The following NFU1 variants were observed in gnomAD, a reference collection of about 807,000 sequenced individuals.
NFU1 encodes NFU1 iron-sulfur cluster scaffold.
Under a neutral mutation model 32.2 loss-of-function variants are expected in NFU1, and 30 were observed. The observed-to-expected ratio is 0.93, with a 90% CI of 0.70 to 1.26. The LOEUF is 1.26. NFU1 is among the 50% of genes most tolerant of loss of function. The probability of loss-of-function intolerance (pLI) is 0.00; values close to 1 mark genes in which losing one functional copy is unlikely to be tolerated. For synonymous variants in NFU1, 112 were observed against 104.6 expected (o/e 1.07, Z -0.43); for missense variants, 306 against 306.6 (o/e 1.00, Z 0.02).
At chr2:69,406,697 A>G (rs1672704842) in intron 5 of NFU1, among the ~76,000 whole-genome samples, 2 of 152,066 alleles carry the variant, frequency 1.3e-5, no homozygotes, top group Admixed American at 6.6e-5. Flanking sequence ...CAGCCTCCCA[A>G]GTAGTTTGGG....
At chr2:69,416,220 G>C (rs1417279614) in intron 4 of NFU1, 2 of 150,152 alleles carry the variant, frequency 1.3e-5, no homozygotes, top group Non-Finnish European at 3.0e-5. Flanking sequence ...ATCTTAAAGG[G>C]TCCTGTTTAA....
Position 69,431,092 on chromosome 2 carries a change from G to A in NFU1, c.166+810C>T, listed in dbSNP as rs74966959. Among the ~76,000 whole-genome samples, 124 of 151,952 alleles carry A rather than the reference G, an allele frequency of 8.2e-4. 1 individual carries two copies. The East Asian group carries it at 0.021, about 25-fold the overall frequency. On this transcript the variant is annotated intron_variant, in intron 2 of 7. Coordinates refer to ENST00000410022, the MANE Select transcript of NFU1 (RefSeq NM_001002755.4). ...TAAAGAAAATTAAAGTATATATCTC[G>A]TTAACAATCAAGATTATTAACAAAA...
chr2:69,437,528 G>T, upstream of NFU1: 1 of 1,396,926 alleles, frequency 7.2e-7, no homozygotes, highest in Non-Finnish European at 9.8e-7. Flanking sequence ...CCACCCTACC[G>T]GCTGCGGGCG....
intron 1 of NFU1, among the ~76,000 whole-genome samples, chr2:69,434,800 G>A (rs1673773683): frequency 1.3e-5 from 2 of 152,160 alleles, no homozygotes; most frequent in African/African-American, 2.4e-5. Flanking sequence ...CAGCTGAAAG[G>A]GAGAGTGGAG....
intron 2 of NFU1, among the ~76,000 whole-genome samples, chr2:69,424,034 G>A (rs1266134141): frequency 6.6e-6 from 1 of 151,218 alleles, no homozygotes; most frequent in African/African-American, 2.4e-5. Flanking sequence ...TTAGCCAGGC[G>A]TGGTGGCGGG....
At chr2:69,397,730 T>C (rs1672386839) in intron 7 of NFU1, among the ~76,000 whole-genome samples, 1 of 151,648 alleles carries the variant, frequency 6.6e-6, no homozygotes, top group Admixed American at 6.6e-5. Context: ...CCGGTCAACA[T>C]GGCGAAACCC....
At chr2:69,413,415 GCTTA>G (rs1458488565) in intron 5 of NFU1, among the ~76,000 whole-genome samples, 1 of 151,678 alleles carries the variant, frequency 6.6e-6, no homozygotes, top group Non-Finnish European at 1.5e-5. Context: ...GCTAATGTGG[GCTTA>G]ATTAGATCAA....
intron 3 of NFU1, among the ~76,000 whole-genome samples, chr2:69,422,934 C>T (rs1247199266): frequency 6.7e-6 from 1 of 149,184 alleles, no homozygotes. Context: ...GGCTGGTCTC[C>T]AACTCCTGAG....
At chr2:69,428,157 GT>G (rs2104806023) in intron 2 of NFU1, among the ~76,000 whole-genome samples, 1 of 152,198 alleles carries the variant, frequency 6.6e-6, no homozygotes, top group South Asian at 2.1e-4. Context: ...GGCGCAGTGG[GT>G]TATGCCTATA....
chr2:69,434,003 C>A (rs1486269635), intron 1 of NFU1, among the ~76,000 whole-genome samples: 2 of 150,996 alleles, frequency 1.3e-5, no homozygotes, highest in African/African-American at 4.9e-5. Context: ...AGGCTGATCT[C>A]CAGCTCCTGG....
chr2:69,400,427 A>C lies in NFU1; in HGVS notation c.657T>G (p.Thr219=), dbSNP rs749007356. 1.2e-6 allele frequency: 2 copies of C among 1,614,142 alleles called. No individual in the cohort carries two copies. The highest frequency in any genetic ancestry group is 1.7e-6 in the Non-Finnish European group (2 of 1,179,996). ...SCTSCPSSII[T]LKNGIQNMLQ... Reference sequence around the variant, plus strand: ...GCATGTTCTGAATTCCATTTTTCAGAGTAATGATTGAACTAGGGCAGCTGG... The same window carrying C: ...GCATGTTCTGAATTCCATTTTTCAGCGTAATGATTGAACTAGGGCAGCTGG... The change falls in exon 7 of 8, where the codon ACT becomes ACG. Residue 219 remains threonine, a synonymous_variant. Transcript: ENST00000410022.
intron 5 of NFU1, among the ~76,000 whole-genome samples, chr2:69,408,861 CTTT>C (rs1173785443): frequency 1.5e-5 from 1 of 67,756 alleles, no homozygotes; most frequent in Non-Finnish European, 2.7e-5. Flanking sequence ...CAGGCTTGTG[CTTT>C]TTTTTTTTTT....
At chr2:69,418,498 G>A (rs1021432667) in intron 4 of NFU1, among the ~76,000 whole-genome samples, 1 of 151,596 alleles carries the variant, frequency 6.6e-6, no homozygotes, top group Non-Finnish European at 1.5e-5. Flanking sequence ...ATGCAGTCTC[G>A]CTCTGTCGCC....
chr2:69,406,066 ATCATCT>A lies in NFU1; in HGVS notation c.495_500del (p.Glu165_Asp166del). Reference sequence around the variant, plus strand: ...ATTCCTTAATCATTGCCACAACTTCATCATCTTCTTCAGATCCTAGAAATAATTACA... The same window carrying A: ...ATTCCTTAATCATTGCCACAACTTCATCTTCAGATCCTAGAAATAATTACA... On this transcript the variant is annotated inframe_deletion, in exon 6 of 8. Coordinates refer to ENST00000410022, the MANE Select transcript of NFU1 (RefSeq NM_001002755.4). The A allele has an allele frequency of 6.3e-7, 1 of 1,596,302 alleles. No individual in the cohort carries two copies. Among genetic ancestry groups the A allele is most frequent in the Non-Finnish European group, 8.6e-7 (1 of 1,165,028 alleles).
At chr2:69,402,005 T>C (rs933266493) in intron 6 of NFU1, among the ~76,000 whole-genome samples, 1 of 152,152 alleles carries the variant, frequency 6.6e-6, no homozygotes, top group African/African-American at 2.4e-5. Flanking sequence ...GTGATTCTCC[T>C]GCCTCAGACT....
intron 5 of NFU1, among the ~76,000 whole-genome samples, chr2:69,412,165 C>T (rs553224402): frequency 1.3e-5 from 2 of 151,846 alleles, no homozygotes; most frequent in Admixed American, 6.6e-5. Context: ...ATTCTCCTGC[C>T]TCAGCCTCCC....
At position 69,406,023 on chromosome 2, in the gene NFU1, G is replaced by A. The variant is rs1354126704; in HGVS notation, c.544C>T (p.Arg182Trp). The A allele has an allele frequency of 8.8e-6, 14 of 1,586,374 alleles. No individual in the cohort carries two copies. Among genetic ancestry groups the A allele is most frequent in the East Asian group, 4.5e-5 (2 of 44,648 alleles). Residue 182 changes from arginine (R) to tryptophan (W), a missense_variant and splice_region_variant, in exon 6 of 8, where the codon CGG becomes TGG. Physicochemically the swap from Arg to Trp is moderately radical, Grantham distance 101. Transcript: ENST00000410022. The stretch of plus-strand genomic sequence containing the variant: ...TCAGGTAGAGAGAGGAGCACGTACC[G>A]TATTCTAGTATCTAACAATTCCTTA... ...MIKELLDTRI[R>W]PTVQEDGGDV... is the part of the protein sequence containing the mutation.
intron 2 of NFU1, among the ~76,000 whole-genome samples, chr2:69,428,447 G>A (rs1228648076): frequency 6.6e-6 from 1 of 152,030 alleles, no homozygotes; most frequent in Non-Finnish European, 1.5e-5. Flanking sequence ...AAATTATTCA[G>A]TGCCTATCAT....
upstream of NFU1, among the ~76,000 whole-genome samples, chr2:69,439,247 GCTA>G (rs1052815828): frequency 3.3e-5 from 5 of 152,136 alleles, no homozygotes; most frequent in Non-Finnish European, 2.9e-5. Flanking sequence ...CAGCCTCTGT[GCTA>G]CTGTGTCCGG....
Sources: gnomAD v4.1 joint callset for allele counts (sites outside exome capture counted in the v4.1 genomes callset) on GRCh38, gnomAD v4.1.1 for gene constraint, MANE v1.5 for transcripts, NCBI Gene and HGNC (gene_info 2026-07-23, HGNC 2026-07-21) for gene names.